RBM19: variants seen among roughly 807,000 people sequenced by gnomAD.
RBM19 encodes probable RNA-binding protein 19.
Under a neutral mutation model 116.8 loss-of-function variants are expected in RBM19, and 94 were observed. The ratio of observed to expected loss-of-function variants is 0.80; its 90% CI spans 0.68 to 0.95. RBM19 has a LOEUF of 0.95. Among genes scored for constraint, RBM19 ranks in the 40% least tolerant of loss-of-function variants. The pLI is 0.00. For missense variants in RBM19, 1,161 were observed against 1,220.7 expected (o/e 0.95, Z 0.73); for synonymous variants, 475 against 494.1 (o/e 0.96, Z 0.51).
At chr12:113,831,174 A>C (rs1875377834) in intron 23 of RBM19, among the ~76,000 whole-genome samples, 1 of 152,218 alleles carries the variant, frequency 6.6e-6, no homozygotes, top group African/African-American at 2.4e-5. Flanking sequence ...AATAGTGATG[A>C]TTCATTCAAA....
chr12:113,851,347 G>C (rs1240037099), intron 22 of RBM19, among the ~76,000 whole-genome samples: 1 of 152,214 alleles, frequency 6.6e-6, no homozygotes, highest in Non-Finnish European at 1.5e-5. Flanking sequence ...AAGTCTCTGG[G>C]GAGCTGATTG....
chr12:113,927,274 C>T (rs1869172848), intron 16 of RBM19, 45 bp from the exon 17 acceptor site: 4 of 1,531,730 alleles, frequency 2.6e-6, no homozygotes, highest in Non-Finnish European at 3.5e-6. Context: ...ACATCAAATC[C>T]ATGAAATAAT....
At chr12:113,882,890 T>C (rs950263810) in intron 21 of RBM19, among the ~76,000 whole-genome samples, 1 of 152,240 alleles carries the variant, frequency 6.6e-6, no homozygotes, top group Non-Finnish European at 1.5e-5. Context: ...ATGCTGAGTC[T>C]GCAAGCCCTG....
intron 21 of RBM19, among the ~76,000 whole-genome samples, chr12:113,889,126 A>C (rs1443352288): frequency 6.6e-6 from 1 of 152,082 alleles, no homozygotes; most frequent in Non-Finnish European, 1.5e-5. Context: ...TCCTTTCCCT[A>C]CAGGCCACAG....
chr12:113,907,598 G>A (rs1490221488), intron 21 of RBM19, among the ~76,000 whole-genome samples: 1 of 152,172 alleles, frequency 6.6e-6, no homozygotes. Context: ...CCTCCGAGGG[G>A]GTCAACAGGA....
rs1871122093 is a variant in RBM19, at chr12:113,947,425, G to A, written c.1316C>T (p.Thr439Ile). Reference protein sequence around the residue: ...SELHYPIDSLTKKPKGFAFIT... With the variant: ...SELHYPIDSLIKKPKGFAFIT... ...GAATGCAAAACCCTTGGGTTTCTTGGTCAGGCTGTCGATGGGGTAGTGGAG... is the reference window on the plus strand; with the variant it reads ...GAATGCAAAACCCTTGGGTTTCTTGATCAGGCTGTCGATGGGGTAGTGGAG... Residue 439 changes from threonine to isoleucine, a missense_variant, in exon 11 of 24, where the codon ACC becomes ATC. Physicochemically the swap from Thr to Ile is moderately conservative, Grantham distance 89. Coordinates refer to ENST00000261741, the MANE Select transcript of RBM19 (RefSeq NM_016196.4). The A allele has an allele frequency of 6.2e-7, 1 of 1,610,290 alleles. No homozygotes were observed. The highest frequency in any genetic ancestry group is 1.3e-5 in the African/African-American group (1 of 74,890).
chr12:113,870,409 C>A (rs1294180262), intron 21 of RBM19, among the ~76,000 whole-genome samples: 3 of 152,172 alleles, frequency 2.0e-5, no homozygotes, highest in Non-Finnish European at 4.4e-5. Flanking sequence ...TGCTCAGAAC[C>A]CTAATGTGGT....
At chr12:113,907,809 A>C (rs1406317039) in intron 21 of RBM19, among the ~76,000 whole-genome samples, 1 of 152,170 alleles carries the variant, frequency 6.6e-6, no homozygotes, top group Non-Finnish European at 1.5e-5. Context: ...CCAGGGCCAG[A>C]GCATCGATAT....
Position 113,959,882 on chromosome 12 carries a change from C to T in RBM19, c.361G>A (p.Ala121Thr), listed in dbSNP as rs1358394860. The stretch of plus-strand genomic sequence containing the variant: ...AGACTCACCTTCTCCAGTTGACCTG[C>T]CACCTTTTTCTTCTTCTCATCCTGA... ...IKKDEKKKKV[A>T]GQLEKLKEDT... Residue 121 changes from alanine to threonine, a missense_variant, in exon 4 of 24, where the codon GCA (alanine) becomes ACA (threonine). Ala to Thr is a moderately conservative substitution (Grantham distance 58). Transcript: ENST00000261741. 6.8e-6 allele frequency: 11 copies of T among 1,614,176 alleles called. No homozygotes were observed. Among genetic ancestry groups the T allele is most frequent in the Admixed American group, 1.7e-5 (1 of 60,022 alleles).
At chr12:113,840,437 A>C (rs941315) in intron 23 of RBM19, among the ~76,000 whole-genome samples, 38,137 of 152,104 alleles carry the variant, frequency 0.25, 4,999 homozygotes, top group Middle Eastern at 0.33. Context: ...TGCCCCCGGG[A>C]AAACATAACC....
intron 22 of RBM19, 69 bp from the exon 23 acceptor site, chr12:113,844,857 C>A: frequency 2.0e-6 from 3 of 1,492,554 alleles, no homozygotes; most frequent in Non-Finnish European, 1.8e-6. Context: ...ACTCTGCCTG[C>A]CAGCTGCCTG....
At chr12:113,826,832 G>A (rs1198155649) in intron 23 of RBM19, among the ~76,000 whole-genome samples, 1 of 152,234 alleles carries the variant, frequency 6.6e-6, no homozygotes, top group African/African-American at 2.4e-5. Flanking sequence ...GGGGCAGTGA[G>A]CACTCATGGG....
At chr12:113,882,392 A>G (rs1323394154) in intron 21 of RBM19, among the ~76,000 whole-genome samples, 1 of 152,236 alleles carries the variant, frequency 6.6e-6, no homozygotes, top group African/African-American at 2.4e-5. Context: ...CCTCCATGGG[A>G]GTTCAAGGCT....
intron 21 of RBM19, among the ~76,000 whole-genome samples, chr12:113,888,367 C>T (rs1390048753): frequency 2.6e-5 from 4 of 152,188 alleles, no homozygotes; most frequent in Non-Finnish European, 5.9e-5. Context: ...TTGTAGATTT[C>T]AGCCCAAATC....
chr12:113,874,854 A>C lies in RBM19; in HGVS notation c.2559-15958T>G, dbSNP rs893533430. On this transcript the variant is annotated intron_variant, in intron 21 of 23. Coordinates refer to ENST00000261741, the MANE Select transcript of RBM19 (RefSeq NM_016196.4). The stretch of plus-strand genomic sequence containing the variant: ...AAGGCCAAAGCATCCAAATGGCCCT[A>C]CACAACGGCTGAAAAGAGGGAGCGG... Among the ~76,000 whole-genome samples the C allele has an allele frequency of 2.6e-5, 4 of 152,252 alleles. No individual in the cohort carries two copies. The East Asian group carries it at 5.8e-4, about 22-fold the overall frequency.
intron 13 of RBM19, 132 bp downstream of exon 13, chr12:113,945,696 C>A (rs957825019): frequency 1.4e-6 from 1 of 712,758 alleles, no homozygotes; most frequent in Non-Finnish European, 2.3e-6. Flanking sequence ...TTCCAGAGGC[C>A]TCTGGGAAGG....
chr12:113,895,851 A>T (rs904689429), intron 21 of RBM19, among the ~76,000 whole-genome samples: 1 of 150,076 alleles, frequency 6.7e-6, no homozygotes, highest in African/African-American at 2.4e-5. Flanking sequence ...TATAGAATAT[A>T]TACTATAGCT....
chr12:113,908,587 A>C (rs1229443966), intron 21 of RBM19, among the ~76,000 whole-genome samples: 4 of 145,480 alleles, frequency 2.7e-5, no homozygotes, highest in Non-Finnish European at 3.0e-5. Flanking sequence ...AAAAAAAAAA[A>C]AAAAAAAAAA....
chr12:113,857,359 C>A (rs1449627850), intron 22 of RBM19, among the ~76,000 whole-genome samples: 1 of 152,244 alleles, frequency 6.6e-6, no homozygotes, highest in Admixed American at 6.5e-5. Context: ...CCATGCATCA[C>A]CTGCCCTAAC....
Sources: gnomAD v4.1 joint callset for allele counts (sites outside exome capture counted in the v4.1 genomes callset) on GRCh38, gnomAD v4.1.1 for gene constraint, MANE v1.5 for transcripts, NCBI Gene and HGNC (gene_info 2026-07-23, HGNC 2026-07-21) for gene names.